ATP6V1C2: variants seen among roughly 807,000 people sequenced by gnomAD.
ATP6V1C2 encodes V-type proton ATPase subunit C 2.
A neutral mutation model predicts 56.8 loss-of-function variants in ATP6V1C2; 45 were observed. The ratio of observed to expected loss-of-function variants is 0.79; its 90% CI spans 0.62 to 1.02. ATP6V1C2 has a LOEUF of 1.02. Ranked by LOEUF, ATP6V1C2 falls within the 50% of genes least tolerant of loss-of-function variation. ATP6V1C2 has a pLI of 0.00. For missense variants in ATP6V1C2, 463 were observed against 519.7 expected (o/e 0.89, Z 1.06); for synonymous variants, 220 against 201.3 (o/e 1.09, Z -0.79).
chr2:10,766,991 C>T lies in ATP6V1C2; in HGVS notation c.379-1728C>T, dbSNP rs373347092. Among the ~76,000 whole-genome samples, 22 of 151,622 alleles carry T rather than the reference C, an allele frequency of 1.5e-4. No individual in the cohort carries two copies. In the South Asian group the frequency reaches 1.7e-3, roughly 12 times the overall value. ...GGATCTCTGTGTACTATTTTTGCAA[C>T]GTCCTGTGAATCTATAATCATTTCA... On this transcript the variant is annotated intron_variant, in intron 5 of 13. Transcript: ENST00000272238.
Position 10,784,883 on chromosome 2 carries a change from A to G in ATP6V1C2, c.*1620A>G. Reference sequence around the variant, plus strand: ...CCAGGTGCAGAGATGCACAGGCTCAAGAGAGTAAACCAGGACTGCTGCCCG... The same window carrying G: ...CCAGGTGCAGAGATGCACAGGCTCAGGAGAGTAAACCAGGACTGCTGCCCG... On this transcript the variant is annotated 3_prime_UTR_variant, in exon 14 of 14. Transcript: ENST00000272238. 7.6e-7 allele frequency: 1 copy of G among 1,317,430 alleles called. No homozygotes were observed. 81.6% of individuals were successfully genotyped at this position (1,317,430 alleles called of 1,614,324 possible).
At chr2:10,731,547 C>T (rs972677139) in intron 3 of ATP6V1C2, among the ~76,000 whole-genome samples, 8 of 152,154 alleles carry the variant, frequency 5.3e-5, no homozygotes, top group African/African-American at 1.9e-4. Context: ...TAATGCTAAA[C>T]CTAAGAAAGG....
Position 10,743,628 on chromosome 2 carries a change from G to A in ATP6V1C2, c.198-10353G>A, listed in dbSNP as rs984338735. ...GGAGGCCAAGGCAGAAGGATGGCTT[G>A]AGCCCAGGAGTTGGAAACTAGCTTA... On this transcript the variant is annotated intron_variant, in intron 3 of 13. Coordinates refer to ENST00000272238, the MANE Select transcript of ATP6V1C2 (RefSeq NM_001039362.2). Among the ~76,000 whole-genome samples the A allele has an allele frequency of 5.9e-5, 9 of 151,470 alleles. 1 individual carries two copies. Among genetic ancestry groups the A allele is most frequent in the Admixed American group, 2.6e-4 (4 of 15,196 alleles).
chr2:10,722,319 A>G (rs776358977), intron 1 of ATP6V1C2, among the ~76,000 whole-genome samples: 14 of 151,848 alleles, frequency 9.2e-5, no homozygotes, highest in Non-Finnish European at 1.8e-4. Flanking sequence ...TTTCTTATTT[A>G]AAAAAATCCT....
intron 3 of ATP6V1C2, among the ~76,000 whole-genome samples, chr2:10,736,769 G>C (rs1008159200): frequency 7.2e-6 from 1 of 138,756 alleles, no homozygotes; most frequent in Non-Finnish European, 1.6e-5. Flanking sequence ...TTGATATGTG[G>C]TATTTTCATT....
At chr2:10,745,693 T>TA (rs1662870905) in intron 3 of ATP6V1C2, among the ~76,000 whole-genome samples, 1 of 152,090 alleles carries the variant, frequency 6.6e-6, no homozygotes, top group African/African-American at 2.4e-5. Flanking sequence ...ACACTGCTGT[T>TA]ACAACCGTCA....
chr2:10,726,444 A>G (rs957423817), intron 2 of ATP6V1C2, 58 bp from the exon 3 acceptor site: 2 of 1,336,568 alleles, frequency 1.5e-6, no homozygotes, highest in Non-Finnish European at 2.2e-6. Context: ...TGTTGTTGAG[A>G]TGGCATCATG....
intron 3 of ATP6V1C2, among the ~76,000 whole-genome samples, chr2:10,749,234 C>T (rs1663083716): frequency 6.6e-6 from 1 of 151,746 alleles, no homozygotes; most frequent in Admixed American, 6.6e-5. Flanking sequence ...GTGGCTCATG[C>T]CTGTAATCTT....
intron 4 of ATP6V1C2, among the ~76,000 whole-genome samples, chr2:10,757,000 A>C (rs1663589656): frequency 7.7e-6 from 1 of 129,802 alleles, no homozygotes; most frequent in East Asian, 2.4e-4. Context: ...AAACATGAGG[A>C]GACTTTTTTT....
At chr2:10,728,346 A>G (rs1214734665) in intron 3 of ATP6V1C2, among the ~76,000 whole-genome samples, 2 of 152,310 alleles carry the variant, frequency 1.3e-5, no homozygotes, top group Non-Finnish European at 2.9e-5. Context: ...GGCCTGCCAA[A>G]GTGTTGGGAT....
In ATP6V1C2 at chr2:10,722,576, G is replaced by T. The variant is rs116018754; in HGVS notation, c.-26-248G>T. Among the ~76,000 whole-genome samples, 820 of 152,230 alleles carry T rather than the reference G, an allele frequency of 5.4e-3. 9 individuals carry two copies. Among genetic ancestry groups the T allele is most frequent in the African/African-American group, 0.019 (775 of 41,530 alleles). Reference sequence around the variant, plus strand: ...GTTCACTGAGGTGGAGAGAAAGAAAGGAACCTCTCCCTCCTCCTCTGCTCC... The same window carrying T: ...GTTCACTGAGGTGGAGAGAAAGAAATGAACCTCTCCCTCCTCCTCTGCTCC... On this transcript the variant is annotated intron_variant, in intron 1 of 13. Transcript: ENST00000272238.
intron 2 of ATP6V1C2, among the ~76,000 whole-genome samples, chr2:10,725,437 G>A (rs923303850): frequency 2.0e-5 from 3 of 149,124 alleles, no homozygotes; most frequent in Non-Finnish European, 4.5e-5. Flanking sequence ...AAAGGACCTA[G>A]GTGAATGATG....
At chr2:10,730,777 C>G (rs554211550) in intron 3 of ATP6V1C2, among the ~76,000 whole-genome samples, 1 of 151,854 alleles carries the variant, frequency 6.6e-6, no homozygotes, top group Non-Finnish European at 1.5e-5. Flanking sequence ...CTCAGCCTCC[C>G]GAGTAGCTGG....
At chr2:10,759,403 C>A (rs1442343117) in intron 4 of ATP6V1C2, among the ~76,000 whole-genome samples, 1 of 152,200 alleles carries the variant, frequency 6.6e-6, no homozygotes, top group Non-Finnish European at 1.5e-5. Flanking sequence ...GGGCGATGGG[C>A]CGCAGTCTGG....
intron 3 of ATP6V1C2, among the ~76,000 whole-genome samples, chr2:10,733,401 C>G (rs1337238920): frequency 2.6e-5 from 4 of 152,208 alleles, no homozygotes; most frequent in Non-Finnish European, 1.5e-5. Flanking sequence ...AGCACTGCTT[C>G]TGCCCAGGAG....
At chr2:10,761,969 C>T (rs1370102145) in intron 4 of ATP6V1C2, among the ~76,000 whole-genome samples, 1 of 152,200 alleles carries the variant, frequency 6.6e-6, no homozygotes, top group Non-Finnish European at 1.5e-5. Context: ...AGGCTGTGTC[C>T]ACTTAGTGCA....
chr2:10,723,067 G>A (rs1661449397), intron 2 of ATP6V1C2, 89 bp downstream of exon 2: 1 of 1,518,672 alleles, frequency 6.6e-7, no homozygotes, highest in Non-Finnish European at 8.9e-7. Context: ...GGAAGCCAAG[G>A]AGAAAGTATC....
chr2:10,732,788 C>T (rs533270810), intron 3 of ATP6V1C2, among the ~76,000 whole-genome samples: 41 of 151,502 alleles, frequency 2.7e-4, no homozygotes, highest in Non-Finnish European at 3.1e-4. Context: ...CTGGTCAACA[C>T]GGTGAAACCC....
intron 4 of ATP6V1C2, among the ~76,000 whole-genome samples, chr2:10,756,295 G>A (rs1281444768): frequency 6.6e-6 from 1 of 152,100 alleles, no homozygotes; most frequent in Non-Finnish European, 1.5e-5. Context: ...GGGAGGCAGA[G>A]GTTGCTGTGA....
Sources: gnomAD v4.1 joint callset for allele counts (sites outside exome capture counted in the v4.1 genomes callset) on GRCh38, gnomAD v4.1.1 for gene constraint, MANE v1.5 for transcripts, NCBI Gene and HGNC (gene_info 2026-07-23, HGNC 2026-07-21) for gene names.